Variants in EXOC4 observed in about 807,000 individuals in gnomAD.
The protein encoded by EXOC4 is exocyst complex component 4.
In EXOC4, 71 loss-of-function variants were observed where a neutral mutation model predicts 107.2. That is an observed-to-expected ratio of 0.66 (90% confidence interval 0.55 to 0.81). EXOC4 has a LOEUF of 0.81. Ranked by LOEUF, EXOC4 falls within the 30% of genes least tolerant of loss-of-function variation. EXOC4 has a pLI of 0.00. For missense variants in EXOC4, 1,108 were observed against 1,189.6 expected (o/e 0.93, Z 1.01); for synonymous variants, 456 against 441.2 (o/e 1.03, Z -0.42).
At chr7:133,658,154 C>T (rs1803345985) in intron 10 of EXOC4, among the ~76,000 whole-genome samples, 1 of 152,092 alleles carries the variant, frequency 6.6e-6, no homozygotes, top group African/African-American at 2.4e-5. Context: ...TCAGAAAGTA[C>T]AGCATGTGCC....
intron 5 of EXOC4, among the ~76,000 whole-genome samples, chr7:133,333,980 TAGTCA>T: frequency 6.6e-6 from 1 of 152,358 alleles, no homozygotes; most frequent in East Asian, 1.9e-4. Context: ...TTATAATATT[TAGTCA>T]AAATAGTCAA....
chr7:133,512,439 A>AAG (rs1373910892), intron 9 of EXOC4, among the ~76,000 whole-genome samples: 1 of 152,040 alleles, frequency 6.6e-6, no homozygotes, highest in Non-Finnish European at 1.5e-5. Flanking sequence ...AAAAAAAAAA[A>AAG]AGAAAATACA....
intron 14 of EXOC4, among the ~76,000 whole-genome samples, chr7:133,966,605 CT>C (rs1256134626): frequency 2.6e-5 from 4 of 152,120 alleles, no homozygotes; most frequent in African/African-American, 9.7e-5. Context: ...GTCATTGGTT[CT>C]GTTTATGTGA....
At chr7:133,909,919 A>ATTTTTTT (rs764890539) in intron 12 of EXOC4, among the ~76,000 whole-genome samples, 2 of 75,494 alleles carry the variant, frequency 2.6e-5, no homozygotes, top group African/African-American at 1.1e-4. Context: ...GTTGAGACAG[A>ATTTTTTT]TTTTTTTTTT....
the EXOC4 span, among the ~76,000 whole-genome samples, chr7:134,090,388 G>C: frequency 6.6e-6 from 1 of 152,196 alleles, no homozygotes; most frequent in Admixed American, 6.5e-5. Context: ...ATCTTGAAAA[G>C]CCCATGCTGT....
chr7:133,367,250 T>C lies in EXOC4; in HGVS notation c.1008-7578T>C, dbSNP rs1796268022. Among the ~76,000 whole-genome samples, 3 of 150,996 alleles carry C rather than the reference T, an allele frequency of 2.0e-5. No homozygotes were observed. The South Asian group carries it at 6.4e-4, about 32-fold the overall frequency. ...CTCAGCTAGAGAGAGTATGAGGGGG[T>C]TGAGAAGAGTTTACCGCATTTAAGG... On this transcript the variant is annotated intron_variant, in intron 6 of 17. Coordinates refer to ENST00000253861, the MANE Select transcript of EXOC4 (RefSeq NM_021807.4).
chr7:133,672,661 T>C (rs1434140595), intron 10 of EXOC4, among the ~76,000 whole-genome samples: 1 of 152,024 alleles, frequency 6.6e-6, no homozygotes. Context: ...AATGGAAAGC[T>C]ACCAGCAAAG....
At position 133,307,976 on chromosome 7, in the gene EXOC4, A is replaced by G. The variant is rs530585022; in HGVS notation, c.656+1915A>G. Among the ~76,000 whole-genome samples, 32 of 152,366 alleles carry G rather than the reference A, an allele frequency of 2.1e-4. 1 individual carries two copies. Among genetic ancestry groups the G allele is most frequent in the Admixed American group, 1.8e-3 (28 of 15,300 alleles). On this transcript the variant is annotated intron_variant, in intron 4 of 17. Transcript: ENST00000253861. ...AAAACAGTAACCGGGAGCTACAAGA[A>G]CAGAGTGAGGAGAGATGCTAACAGA...
At chr7:133,787,297 G>A (rs1156621059) in intron 10 of EXOC4, among the ~76,000 whole-genome samples, 1 of 149,116 alleles carries the variant, frequency 6.7e-6, no homozygotes, top group Non-Finnish European at 1.5e-5. Context: ...CTCCCAAGTA[G>A]CTGGCACCAC....
At chr7:133,823,843 T>TATA (rs1277754160) in intron 11 of EXOC4, among the ~76,000 whole-genome samples, 13 of 18,678 alleles carry the variant, frequency 7.0e-4, no homozygotes, top group African/African-American at 2.7e-3. Flanking sequence ...TATATATATA[T>TATA]TATATATATA....
chr7:133,604,514 C>G (rs879561978), intron 9 of EXOC4, among the ~76,000 whole-genome samples: 1 of 152,018 alleles, frequency 6.6e-6, no homozygotes, highest in Non-Finnish European at 1.5e-5. Flanking sequence ...TAGAATGTTA[C>G]AGGACCATCA....
intron 13 of EXOC4, among the ~76,000 whole-genome samples, chr7:133,918,287 T>A (rs1799857122): frequency 6.6e-6 from 1 of 152,150 alleles, no homozygotes; most frequent in Admixed American, 6.5e-5. Flanking sequence ...GCCTAAAATA[T>A]CTTTTAATTT....
At chr7:133,761,191 A>G (rs1238975944) in intron 10 of EXOC4, among the ~76,000 whole-genome samples, 1 of 152,192 alleles carries the variant, frequency 6.6e-6, no homozygotes, top group East Asian at 1.9e-4. Context: ...TTTTGAACAA[A>G]GCATTGTAAG....
At chr7:133,781,221 G>A (rs1796459823) in intron 10 of EXOC4, among the ~76,000 whole-genome samples, 2 of 152,212 alleles carry the variant, frequency 1.3e-5, no homozygotes, top group South Asian at 4.1e-4. Flanking sequence ...GCTTTTGGAA[G>A]CAGAAAACTT....
intron 14 of EXOC4, among the ~76,000 whole-genome samples, chr7:133,981,324 C>T (rs921889160): frequency 1.3e-5 from 2 of 151,984 alleles, no homozygotes; most frequent in African/African-American, 2.4e-5. Context: ...TCAGATTTTG[C>T]GATCAAATGT....
chr7:133,844,378 C>CATTTT (rs1371732321), intron 11 of EXOC4, among the ~76,000 whole-genome samples: 6 of 83,346 alleles, frequency 7.2e-5, no homozygotes, highest in Non-Finnish European at 6.6e-5. Flanking sequence ...CCACATATTC[C>CATTTT]TTTTTTTTTT....
At chr7:133,749,974 T>G (rs1232245121) in intron 10 of EXOC4, among the ~76,000 whole-genome samples, 4 of 147,312 alleles carry the variant, frequency 2.7e-5, no homozygotes, top group Non-Finnish European at 6.0e-5. Flanking sequence ...TTTTTTTTTT[T>G]TTTTTTTTTT....
At chr7:134,029,458 A>G (rs1000548769) in intron 17 of EXOC4, among the ~76,000 whole-genome samples, 2 of 152,126 alleles carry the variant, frequency 1.3e-5, no homozygotes, top group African/African-American at 4.8e-5. Flanking sequence ...GATGAGCACT[A>G]AAGGATATAG....
chr7:133,881,678 A>G (rs1798969454), intron 11 of EXOC4, among the ~76,000 whole-genome samples: 2 of 152,152 alleles, frequency 1.3e-5, no homozygotes, highest in Admixed American at 1.3e-4. Flanking sequence ...GGTATAGAGA[A>G]GGTACTTACT....
Sources: gnomAD v4.1 joint callset for allele counts (sites outside exome capture counted in the v4.1 genomes callset) on GRCh38, gnomAD v4.1.1 for gene constraint, MANE v1.5 for transcripts, NCBI Gene and HGNC (gene_info 2026-07-23, HGNC 2026-07-21) for gene names.